The following OPRM1 variants were observed in gnomAD, a reference collection of about 807,000 sequenced individuals.
OPRM1 encodes the protein mu-type opioid receptor.
A neutral mutation model predicts 31.8 loss-of-function variants in OPRM1; 27 were observed. The observed-to-expected ratio is 0.85, with a 90% CI of 0.63 to 1.17. The LOEUF (loss-of-function observed/expected upper bound fraction) is 1.17. Ranked by LOEUF, OPRM1 falls within the 50% of genes most tolerant of loss-of-function variation. The pLI is 0.00. For synonymous variants in OPRM1, 196 were observed against 189.9 expected, an observed-to-expected ratio of 1.03 and a Z score of -0.26; for missense variants, 536 against 511.1, an observed-to-expected ratio of 1.05 and a Z score of -0.47.
Position 154,113,262 on chromosome 6 carries a change from G to C in OPRM1, c.1165-5421G>C, listed in dbSNP as rs919580372. Among the ~76,000 whole-genome samples the C allele has an allele frequency of 4.6e-5, 7 of 152,330 alleles. No homozygotes were observed. The East Asian group carries it at 1.3e-3, about 29-fold the overall frequency. On this transcript the variant is annotated intron_variant, in intron 3 of 3. Coordinates refer to ENST00000330432, the MANE Select transcript of OPRM1 (RefSeq NM_000914.5). Reference sequence around the variant, plus strand: ...ATGTGGACTCTGATGCTGGGGAACAGTACTCACACTGCTGTATGGAAATAG... The same window carrying C: ...ATGTGGACTCTGATGCTGGGGAACACTACTCACACTGCTGTATGGAAATAG...
At chr6:154,099,474 G>C (rs1002161476) in intron 3 of OPRM1, among the ~76,000 whole-genome samples, 12 of 145,242 alleles carry the variant, frequency 8.3e-5, no homozygotes, top group Admixed American at 2.1e-4. Context: ...GAAAGAAAAA[G>C]AAAGAAAGAA....
intron 3 of OPRM1, chr6:154,246,663 G>A: frequency 6.2e-7 from 1 of 1,614,052 alleles, no homozygotes. Context: ...TGTTGCTTAG[G>A]AAACTTCCCT....
chr6:154,099,348 C>G (rs201713846), intron 3 of OPRM1, among the ~76,000 whole-genome samples: 1 of 125,142 alleles, frequency 8.0e-6, no homozygotes, highest in African/African-American at 3.2e-5. Context: ...AGGAAGAGAG[C>G]GAGAGAGAGA....
In OPRM1 at chr6:154,119,168, GT is replaced by G; in HGVS notation, c.*451del. 1.0e-6 allele frequency: 1 copy of G among 987,784 alleles called. No homozygotes were observed. The highest frequency in any genetic ancestry group is 1.2e-6 in the Non-Finnish European group (1 of 831,292). 61.2% of individuals were successfully genotyped at this position (987,784 alleles called of 1,614,324 possible). On this transcript the variant is annotated 3_prime_UTR_variant, in exon 4 of 4. Transcript: ENST00000330432. Reference sequence around the variant, plus strand: ...AATGGAAGGTCCGAGTCTTTTTAGTGTTTTGCAAGGGAATGAATCCATTATT... The same window carrying G: ...AATGGAAGGTCCGAGTCTTTTTAGTGTTTGCAAGGGAATGAATCCATTATT...
chr6:154,148,960 G>A (rs1202878652), intron 3 of OPRM1, among the ~76,000 whole-genome samples: 1 of 152,128 alleles, frequency 6.6e-6, no homozygotes, highest in Non-Finnish European at 1.5e-5. Flanking sequence ...AAACAATGTG[G>A]CCCCTGTATA....
intron 3 of OPRM1, chr6:154,217,259 G>C (rs1294431048): frequency 6.2e-6 from 1 of 160,604 alleles, no homozygotes; most frequent in Non-Finnish European, 1.4e-5. Flanking sequence ...TTTAGATGTA[G>C]ATTCTCTGGT....
Position 154,240,914 on chromosome 6 carries a change from C to T in OPRM1, c.1165-5779C>T, listed in dbSNP as rs143380034. 3.4e-3 allele frequency among the ~76,000 whole-genome samples: 522 copies of T among 152,162 alleles called. 3 individuals are homozygous for T. Among genetic ancestry groups the T allele is most frequent in the African/African-American group, 0.012 (498 of 41,524 alleles). On this transcript the variant is annotated intron_variant, in intron 3 of 3. Coordinates refer to the OPRM1 transcript ENST00000337049. The stretch of plus-strand genomic sequence containing the variant: ...ACAAAACCAGATATTAACCTACAAA[C>T]CTCTTCAGTTTGTCTAAAGTTTTTA...
chr6:154,240,797 AC>A (rs1215611982), intron 3 of OPRM1, among the ~76,000 whole-genome samples: 1 of 152,224 alleles, frequency 6.6e-6, no homozygotes, highest in Non-Finnish European at 1.5e-5. Context: ...AACATGCAAA[AC>A]TTTCACAATT....
At chr6:154,104,764 G>C (rs1042431362) in intron 3 of OPRM1, among the ~76,000 whole-genome samples, 1 of 152,154 alleles carries the variant, frequency 6.6e-6, no homozygotes, top group Non-Finnish European at 1.5e-5. Context: ...TTTCACATAA[G>C]CTCTTTTTAA....
intron 1 of OPRM1, among the ~76,000 whole-genome samples, chr6:154,017,988 A>G (rs985250750): frequency 6.6e-6 from 1 of 152,222 alleles, no homozygotes; most frequent in Non-Finnish European, 1.5e-5. Flanking sequence ...ACTCTTCACC[A>G]TGTAGAATAA....
intron 1 of OPRM1, among the ~76,000 whole-genome samples, chr6:154,065,527 T>G (rs1490440378): frequency 6.6e-6 from 1 of 152,160 alleles, no homozygotes; most frequent in Non-Finnish European, 1.5e-5. Flanking sequence ...GATGCTATCA[T>G]AAATTAAACT....
At chr6:154,074,756 A>C (rs1326738522) in intron 1 of OPRM1, among the ~76,000 whole-genome samples, 1 of 152,086 alleles carries the variant, frequency 6.6e-6, no homozygotes, top group Non-Finnish European at 1.5e-5. Flanking sequence ...GCAAGACTCC[A>C]AATAAAAAAA....
chr6:154,182,637 T>G (rs911356778), intron 3 of OPRM1, among the ~76,000 whole-genome samples: 3 of 152,210 alleles, frequency 2.0e-5, no homozygotes, highest in Non-Finnish European at 4.4e-5. Flanking sequence ...CGCCTTTTTT[T>G]CTTCTTAAAA....
rs1161909011 is a variant in OPRM1, at chr6:154,131,923, G to A, written c.*13202G>A. ...TTGTTTTCCTTTTGATGGTCTGGGA[G>A]TTTTTCTATAAGTTTTTGGTTTTTT... is the stretch of plus-strand genomic sequence containing the variant. On this transcript the variant is annotated 3_prime_UTR_variant, in exon 4 of 4. Transcript: ENST00000330432. 2.1e-5 allele frequency among the ~76,000 whole-genome samples: 3 copies of A among 144,550 alleles called. No individual in the cohort carries two copies. The highest frequency in any genetic ancestry group is 4.5e-5 in the Non-Finnish European group (3 of 66,616). The allele number at this position is 144,550 out of a possible 152,430, so 94.8% of individuals were successfully genotyped here.
In OPRM1 at chr6:154,129,905, G is replaced by T. The variant is rs1257283473; in HGVS notation, c.*11184G>T. ...ACACACAACATAGTGAAATGGACCCGTGGGAATTATATGATAGTTGTAATC... is the reference window on the plus strand; with the variant it reads ...ACACACAACATAGTGAAATGGACCCTTGGGAATTATATGATAGTTGTAATC... On this transcript the variant is annotated 3_prime_UTR_variant, in exon 4 of 4. Coordinates refer to ENST00000330432, the MANE Select transcript of OPRM1 (RefSeq NM_000914.5). Among the ~76,000 whole-genome samples, 1 of 149,284 alleles carries T rather than the reference G, an allele frequency of 6.7e-6. No individual in the cohort carries two copies. The highest frequency in any genetic ancestry group is 1.5e-5 in the Non-Finnish European group (1 of 67,674).
At chr6:154,218,486 T>TA (rs1366572109) in intron 3 of OPRM1, among the ~76,000 whole-genome samples, 5 of 152,174 alleles carry the variant, frequency 3.3e-5, no homozygotes, top group African/African-American at 9.7e-5. Context: ...GAGGAACTTC[T>TA]AAAACAAGGA....
At chr6:154,053,542 G>A (rs776101451) in intron 1 of OPRM1, among the ~76,000 whole-genome samples, 1 of 152,204 alleles carries the variant, frequency 6.6e-6, no homozygotes, top group Non-Finnish European at 1.5e-5. Flanking sequence ...GTCTAGCTGG[G>A]TAAAAAGGAG....
chr6:154,180,386 C>CTATATATATATATATATA (rs58975780), intron 3 of OPRM1, among the ~76,000 whole-genome samples: 12 of 88,308 alleles, frequency 1.4e-4, no homozygotes, highest in Non-Finnish European at 2.6e-4. Context: ...ACAACAACAA[C>CTATATATATATATATATA]TATATATATA....
intron 3 of OPRM1, among the ~76,000 whole-genome samples, chr6:154,174,394 A>G (rs1310041819): frequency 6.6e-6 from 1 of 152,190 alleles, no homozygotes; most frequent in Admixed American, 6.5e-5. Flanking sequence ...GATAGAGTCA[A>G]GACCCATCAG....
Sources: gnomAD v4.1 joint callset for allele counts (sites outside exome capture counted in the v4.1 genomes callset) on GRCh38, gnomAD v4.1.1 for gene constraint, MANE v1.5 for transcripts, NCBI Gene and HGNC (gene_info 2026-07-23, HGNC 2026-07-21) for gene names.